Variants in MAD1L1 observed in about 807,000 individuals in gnomAD.
MAD1L1 encodes mitotic arrest deficient 1 like 1.
MAD1L1 carries 95 observed loss-of-function variants against 96.9 expected under a neutral mutation model. That is an observed-to-expected ratio of 0.98 (90% confidence interval 0.83 to 1.16). MAD1L1 has a LOEUF of 1.16. Ranked by LOEUF, MAD1L1 falls within the 50% of genes most tolerant of loss-of-function variation. MAD1L1 has a pLI of 0.00. For missense variants in MAD1L1, 1,007 were observed against 954.4 expected (o/e 1.06, Z -0.73); for synonymous variants, 473 against 396.6 (o/e 1.19, Z -2.29).
At chr7:1,997,641 A>T (rs531570450) in intron 14 of MAD1L1, among the ~76,000 whole-genome samples, 1 of 152,388 alleles carries the variant, frequency 6.6e-6, no homozygotes, top group African/African-American at 2.4e-5. Context: ...AGAAGCCATG[A>T]CACTGAGGGC....
At chr7:2,131,696 C>T (rs1250318878) in intron 11 of MAD1L1, among the ~76,000 whole-genome samples, 1 of 152,182 alleles carries the variant, frequency 6.6e-6, no homozygotes, top group African/African-American at 2.4e-5. Flanking sequence ...TCAGGTGTGT[C>T]CCCCAGGCCC....
intron 12 of MAD1L1, among the ~76,000 whole-genome samples, chr7:2,021,380 G>A (rs971754406): frequency 4.6e-5 from 7 of 152,198 alleles, no homozygotes; most frequent in Non-Finnish European, 7.3e-5. Context: ...GCAGCAGAGA[G>A]GGGAGGGAGG....
intron 17 of MAD1L1, among the ~76,000 whole-genome samples, chr7:1,934,759 A>G (rs1448616225): frequency 6.6e-6 from 1 of 151,642 alleles, no homozygotes; most frequent in East Asian, 1.9e-4. Context: ...GACCCAGACA[A>G]CAGGTGAACG....
intron 17 of MAD1L1, among the ~76,000 whole-genome samples, chr7:1,917,119 C>T (rs1018264543): frequency 6.6e-6 from 1 of 152,218 alleles, no homozygotes; most frequent in South Asian, 2.1e-4. Context: ...GCACCCAGTT[C>T]CCTCCATCCA....
chr7:2,147,996 G>A (rs576273124), intron 11 of MAD1L1, among the ~76,000 whole-genome samples: 17 of 152,276 alleles, frequency 1.1e-4, no homozygotes, highest in South Asian at 8.3e-4. Flanking sequence ...GATGAGGATC[G>A]CCTGGTAAAG....
At chr7:2,157,117 T>C (rs1192768857) in intron 10 of MAD1L1, among the ~76,000 whole-genome samples, 1 of 152,228 alleles carries the variant, frequency 6.6e-6, no homozygotes, top group East Asian at 1.9e-4. Context: ...CATGACACCT[T>C]TGGCTTCTAC....
At chr7:1,862,204 C>T (rs1344358593) in intron 18 of MAD1L1, among the ~76,000 whole-genome samples, 2 of 152,194 alleles carry the variant, frequency 1.3e-5, no homozygotes, top group African/African-American at 4.8e-5. Flanking sequence ...CAGGTTACTC[C>T]GGGTTGGTCT....
intron 18 of MAD1L1, among the ~76,000 whole-genome samples, chr7:1,877,285 C>T (rs911090520): frequency 1.3e-5 from 2 of 152,050 alleles, no homozygotes; most frequent in African/African-American, 4.8e-5. Context: ...TCCTTCTGTG[C>T]TACAACAGCA....
chr7:1,865,919 T>C (rs903623656), intron 18 of MAD1L1, among the ~76,000 whole-genome samples: 3 of 152,170 alleles, frequency 2.0e-5, no homozygotes, highest in African/African-American at 7.2e-5. Flanking sequence ...GGGGAAGCCC[T>C]GGACAAGCCT....
chr7:2,006,585 C>T (rs1208005087), intron 13 of MAD1L1, among the ~76,000 whole-genome samples: 2 of 151,144 alleles, frequency 1.3e-5, no homozygotes, highest in Non-Finnish European at 2.9e-5. Context: ...CCGCACGGCC[C>T]AGCACAGAAG....
chr7:2,022,171 G>A (rs2128502261), intron 12 of MAD1L1, among the ~76,000 whole-genome samples: 1 of 152,294 alleles, frequency 6.6e-6, no homozygotes, highest in South Asian at 2.1e-4. Flanking sequence ...AAGTATAGGA[G>A]CAGCAATGTG....
rs111872059 is a variant in MAD1L1, at chr7:2,176,703, T to C, written c.987-27465A>G. Among the ~76,000 whole-genome samples the C allele has an allele frequency of 3.5e-4, 53 of 151,322 alleles. 1 individual carries two copies. The highest frequency in any genetic ancestry group is 1.2e-3 in the African/African-American group (49 of 41,124). On this transcript the variant is annotated intron_variant, in intron 10 of 18. Transcript: ENST00000265854. ...GCAAAGTCACAGGACACTGTCAACA[T>C]AGTAAACTATACTGTCTCTATACAC...
intron 17 of MAD1L1, among the ~76,000 whole-genome samples, chr7:1,902,836 T>C (rs1264535716): frequency 6.7e-6 from 1 of 149,704 alleles, no homozygotes; most frequent in Non-Finnish European, 1.5e-5. Context: ...AAGGATGCAG[T>C]GGCCTATGGA....
intron 10 of MAD1L1, among the ~76,000 whole-genome samples, chr7:2,185,659 A>G (rs962024178): frequency 1.3e-5 from 2 of 151,736 alleles, no homozygotes; most frequent in African/African-American, 4.8e-5. Flanking sequence ...TAATGCTTCT[A>G]GATTTCTAAA....
intron 18 of MAD1L1, among the ~76,000 whole-genome samples, chr7:1,871,909 G>C (rs1276057415): frequency 6.6e-6 from 1 of 152,212 alleles, no homozygotes; most frequent in Non-Finnish European, 1.5e-5. Flanking sequence ...GGGTGGAGGA[G>C]ATGAGAAGAG....
At chr7:1,906,584 C>G (rs1787645854) in intron 17 of MAD1L1, among the ~76,000 whole-genome samples, 1 of 152,236 alleles carries the variant, frequency 6.6e-6, no homozygotes, top group African/African-American at 2.4e-5. Flanking sequence ...GTCCACAGAG[C>G]TGTTTGAGAT....
chr7:2,051,800 AC>A (rs1184443030), intron 12 of MAD1L1, among the ~76,000 whole-genome samples: 16 of 45,602 alleles, frequency 3.5e-4, no homozygotes, highest in African/African-American at 1.0e-3. Context: ...CTTGCTGTCC[AC>A]CCCCCAACCC....
intron 15 of MAD1L1, among the ~76,000 whole-genome samples, chr7:1,978,527 T>G (rs1382840715): frequency 6.6e-6 from 1 of 152,132 alleles, no homozygotes; most frequent in Non-Finnish European, 1.5e-5. Context: ...TCTTCCACTT[T>G]AAAGCCTCTA....
chr7:1,909,452 C>A (rs1209143882), intron 17 of MAD1L1, among the ~76,000 whole-genome samples: 2 of 152,226 alleles, frequency 1.3e-5, no homozygotes, highest in African/African-American at 4.8e-5. Flanking sequence ...TTATTAGCAG[C>A]CATGGGCATG....
Sources: allele counts gnomAD v4.1 joint callset (sites outside exome capture counted in the v4.1 genomes callset), GRCh38; gene constraint gnomAD v4.1.1; transcripts MANE v1.5; gene names NCBI Gene and HGNC (gene_info 2026-07-23, HGNC 2026-07-21).